Variants in PAG1 observed in about 807,000 individuals in gnomAD.
The protein encoded by PAG1 is phosphoprotein membrane anchor with glycosphingolipid microdomains 1.
Under a neutral mutation model 31.7 loss-of-function variants are expected in PAG1, and 23 were observed. The observed-to-expected ratio is 0.73, with a 90% confidence interval of 0.52 to 1.03. The LOEUF is 1.03. Among genes scored for constraint, PAG1 ranks in the 50% least tolerant of loss-of-function variants. The pLI, the probability that PAG1 is intolerant of heterozygous loss-of-function variation, is 0.00. For synonymous variants in PAG1, 214 were observed against 210.3 expected (o/e 1.02, Z -0.15); for missense variants, 473 against 540.7 (o/e 0.87, Z 1.24).
chr8:81,071,130 G>A (rs938045896), intron 1 of PAG1, among the ~76,000 whole-genome samples: 1 of 152,142 alleles, frequency 6.6e-6, no homozygotes, highest in Non-Finnish European at 1.5e-5. Context: ...GAAAAGCAAA[G>A]TAACATTTGA....
chr8:80,984,290 TCTC>T (rs1388024622), intron 7 of PAG1, among the ~76,000 whole-genome samples: 1 of 152,028 alleles, frequency 6.6e-6, no homozygotes, highest in Non-Finnish European at 1.5e-5. Context: ...CAAAATAAGA[TCTC>T]CTACTGATTT....
At chr8:81,044,853 A>G (rs567231744) in intron 2 of PAG1, among the ~76,000 whole-genome samples, 1 of 152,174 alleles carries the variant, frequency 6.6e-6, no homozygotes, top group South Asian at 2.1e-4. Context: ...AAGCATGACT[A>G]GTGTTCCATT....
intron 3 of PAG1, among the ~76,000 whole-genome samples, chr8:81,002,238 T>TA (rs970941658): frequency 1.3e-5 from 2 of 151,056 alleles, no homozygotes; most frequent in South Asian, 2.1e-4. Context: ...ATAAAAGACT[T>TA]AAAAAAAAAT....
At position 81,039,717 on chromosome 8, in the gene PAG1, T is replaced by C. The variant is rs1354165620; in HGVS notation, c.-174-9628A>G. On this transcript the variant is annotated intron_variant, in intron 2 of 8. Coordinates refer to ENST00000220597, the MANE Select transcript of PAG1 (RefSeq NM_018440.4). Reference sequence around the variant, plus strand: ...GGAAGGTAATTCTCATTACTTTACATACCTCATATCAAGAGGTTTACACAT... The same window carrying C: ...GGAAGGTAATTCTCATTACTTTACACACCTCATATCAAGAGGTTTACACAT... 2.0e-5 allele frequency among the ~76,000 whole-genome samples: 3 copies of C among 152,222 alleles called. No individual in the cohort carries two copies. In the East Asian group the frequency reaches 5.8e-4, roughly 29 times the overall value.
At chr8:81,094,859 A>C (rs1809500810) in intron 1 of PAG1, among the ~76,000 whole-genome samples, 1 of 152,190 alleles carries the variant, frequency 6.6e-6, no homozygotes, top group South Asian at 2.1e-4. Flanking sequence ...TCTCTATGAA[A>C]AGAAGCACAT....
chr8:81,002,894 T>C (rs922646233), intron 3 of PAG1, among the ~76,000 whole-genome samples: 2 of 152,228 alleles, frequency 1.3e-5, no homozygotes, highest in Non-Finnish European at 2.9e-5. Context: ...TCAGAACTTG[T>C]ATTTAAAAAT....
intron 1 of PAG1, among the ~76,000 whole-genome samples, chr8:81,104,410 CA>C (rs1187067254): frequency 1.4e-5 from 2 of 146,696 alleles, no homozygotes; most frequent in African/African-American, 2.5e-5. Flanking sequence ...TTTCAGTCCA[CA>C]CGTTCTCACA....
chr8:81,089,507 G>A (rs1809412647), intron 1 of PAG1, among the ~76,000 whole-genome samples: 1 of 151,962 alleles, frequency 6.6e-6, no homozygotes, highest in Admixed American at 6.6e-5. Context: ...GGTGGAGCTT[G>A]CAGTGAGCTG....
At chr8:81,073,235 C>A (rs1045875954) in intron 1 of PAG1, among the ~76,000 whole-genome samples, 1 of 152,186 alleles carries the variant, frequency 6.6e-6, no homozygotes, top group Non-Finnish European at 1.5e-5. Flanking sequence ...ATTTAGCCTG[C>A]AGATTTGTAA....
At position 80,973,750 on chromosome 8, in the gene PAG1, A is replaced by C. The variant is rs557999654; in HGVS notation, c.*2794T>G. On this transcript the variant is annotated 3_prime_UTR_variant, in exon 9 of 9. Transcript: ENST00000220597. ...TTGTCCAACTCAAAGATTCAAGCCC[A>C]GATTCTGAACAAAGTAAATGTGATG... is the stretch of plus-strand genomic sequence containing the variant. 44 of 152,368 alleles carry C rather than the reference A, an allele frequency of 2.9e-4. No homozygotes were observed. The highest frequency in any genetic ancestry group is 1.1e-3 in the African/African-American group (44 of 41,594). 9.4% of individuals were successfully genotyped at this position (152,368 alleles called of 1,614,324 possible).
At chr8:81,080,300 G>A (rs753092042) in intron 1 of PAG1, among the ~76,000 whole-genome samples, 1 of 152,080 alleles carries the variant, frequency 6.6e-6, no homozygotes, top group Non-Finnish European at 1.5e-5. Flanking sequence ...ATTCTATGGG[G>A]GTCTTAAGTT....
At chr8:81,046,950 T>G (rs1808652195) in intron 2 of PAG1, among the ~76,000 whole-genome samples, 1 of 152,126 alleles carries the variant, frequency 6.6e-6, no homozygotes, top group Non-Finnish European at 1.5e-5. Context: ...TGGTATTTGG[T>G]TTTTTCTTCC....
intron 1 of PAG1, among the ~76,000 whole-genome samples, chr8:81,096,286 G>A (rs1311559008): frequency 4.0e-5 from 6 of 151,636 alleles, no homozygotes; most frequent in Admixed American, 2.0e-4. Flanking sequence ...CTTGCGTATG[G>A]CCCTCTGGAA....
At chr8:81,021,153 G>C (rs1005383329) in intron 3 of PAG1, among the ~76,000 whole-genome samples, 9 of 152,302 alleles carry the variant, frequency 5.9e-5, no homozygotes, top group Admixed American at 2.6e-4. Flanking sequence ...CAAATACTTG[G>C]ATTTTGCCAG....
At chr8:81,015,606 T>C (rs987618500) in intron 3 of PAG1, among the ~76,000 whole-genome samples, 2 of 152,246 alleles carry the variant, frequency 1.3e-5, no homozygotes, top group African/African-American at 4.8e-5. Context: ...TAAAATCTGA[T>C]TTCTAATTTT....
chr8:80,986,843 GGA>G (rs1170374824), intron 6 of PAG1, among the ~76,000 whole-genome samples: 2 of 151,618 alleles, frequency 1.3e-5, no homozygotes, highest in Admixed American at 6.6e-5. Context: ...GAAGAATGAG[GGA>G]GAGGCCAATG....
chr8:81,100,796 A>G (rs946607653), intron 1 of PAG1, among the ~76,000 whole-genome samples: 1 of 152,232 alleles, frequency 6.6e-6, no homozygotes, highest in Non-Finnish European at 1.5e-5. Flanking sequence ...TTCATTCTCC[A>G]TGTAACTGTG....
At position 80,991,462 on chromosome 8, in the gene PAG1, G is replaced by A. The variant is rs769907365; in HGVS notation, c.177+17C>T. 6.9e-6 allele frequency: 11 copies of A among 1,603,308 alleles called. No individual in the cohort carries two copies. Among genetic ancestry groups the A allele is most frequent in the African/African-American group, 6.7e-5 (5 of 74,692 alleles). On this transcript the variant is annotated intron_variant, in intron 5 of 8. Transcript: ENST00000220597. ...AGCACGCACGGACAGACAGGCAGACGACACGCGCAGGCTCACCACGTTCAT... is the reference window on the plus strand; with the variant it reads ...AGCACGCACGGACAGACAGGCAGACAACACGCGCAGGCTCACCACGTTCAT...
rs781160945 is a variant in PAG1, at chr8:80,984,960, T to A, written c.692A>T (p.Asp231Val). The change falls in exon 7 of 9, where the codon GAC becomes GTC. Residue 231 changes from aspartate to valine, a missense_variant. Transcript: ENST00000220597. The stretch of plus-strand genomic sequence containing the variant: ...ACTTTGACGACATTTTTTGTTTCTG[T>A]CCACCGAGGCATATTCAGCAAACTC... ...KAEFAEYASV[D>V]RNKKCRQSVN... 9 of 1,614,006 alleles carry A rather than the reference T, an allele frequency of 5.6e-6. No individual in the cohort carries two copies. The South Asian group carries it at 8.8e-5, about 16-fold the overall frequency.
Sources: allele counts gnomAD v4.1 joint callset (sites outside exome capture counted in the v4.1 genomes callset), GRCh38; gene constraint gnomAD v4.1.1; transcripts MANE v1.5; gene names NCBI Gene and HGNC (gene_info 2026-07-23, HGNC 2026-07-21).